Variants in NUDT21 observed in about 807,000 individuals in gnomAD.
NUDT21 encodes cleavage and polyadenylation specificity factor subunit 5.
A neutral mutation model predicts 29.8 loss-of-function variants in NUDT21; 5 were observed. The observed-to-expected ratio is 0.17, with a 90% CI of 0.09 to 0.35. The LOEUF (loss-of-function observed/expected upper bound fraction) is 0.35, where lower values mean the gene tolerates loss of function less well. NUDT21 is among the 10% of genes least tolerant of loss of function. The probability of loss-of-function intolerance (pLI) is 1.00; values close to 1 mark genes in which losing one functional copy is unlikely to be tolerated. For synonymous variants in NUDT21, 113 were observed against 98.5 expected (o/e 1.15, Z -0.87); for missense variants, 76 against 276.0 (o/e 0.28, Z 5.13).
rs533337414 is a variant in NUDT21, at chr16:56,436,868, G to A, written c.472-2039C>T. Among the ~76,000 whole-genome samples the A allele has an allele frequency of 5.3e-5, 8 of 152,196 alleles. No individual in the cohort carries two copies. The South Asian group carries it at 1.7e-3, about 32-fold the overall frequency. ...TTACCTTATGTCAAATACCACCAGGGCCAACTCTAGGCCTTACTGAATGAA... is the reference window on the plus strand; with the variant it reads ...TTACCTTATGTCAAATACCACCAGGACCAACTCTAGGCCTTACTGAATGAA... On this transcript the variant is annotated intron_variant, in intron 4 of 6. Coordinates refer to ENST00000300291, the MANE Select transcript of NUDT21 (RefSeq NM_007006.3).
At chr16:56,437,696 A>G (rs1400818796) in intron 4 of NUDT21, among the ~76,000 whole-genome samples, 1 of 152,084 alleles carries the variant, frequency 6.6e-6, no homozygotes, top group African/African-American at 2.4e-5. Context: ...AAAGATCAAT[A>G]ACATGCCCTG....
At position 56,443,146 on chromosome 16, in the gene NUDT21, G is replaced by A. The variant is rs1200232681; in HGVS notation, c.382-3400C>T. ...AACAAGATGCTTAATTGTCACCTCT[G>A]TGTGCATGAGTGATAGGACTACAAT... is the stretch of plus-strand genomic sequence containing the variant. On this transcript the variant is annotated intron_variant, in intron 3 of 6. Coordinates refer to ENST00000300291, the MANE Select transcript of NUDT21 (RefSeq NM_007006.3). Among the ~76,000 whole-genome samples the A allele has an allele frequency of 6.6e-5, 10 of 151,820 alleles. No individual in the cohort carries two copies. In the East Asian group the frequency reaches 1.7e-3, roughly 26 times the overall value.
chr16:56,448,715 T>C (rs1962246194), intron 1 of NUDT21, among the ~76,000 whole-genome samples: 1 of 152,218 alleles, frequency 6.6e-6, no homozygotes, highest in African/African-American at 2.4e-5. Flanking sequence ...TCTTGCCTAA[T>C]AAGGATCAAA....
rs769741675 is a variant in NUDT21 at position 56,434,320 on chromosome 16, A to G, written c.662+11T>C. 1 of 1,568,588 alleles carries G rather than the reference A, an allele frequency of 6.4e-7. No homozygotes were observed. The highest frequency in any genetic ancestry group is 8.8e-7 in the Non-Finnish European group (1 of 1,139,026). On this transcript the variant is annotated intron_variant, in intron 6 of 6. Transcript: ENST00000300291. ...ATATGGATGAACCAAAAAATGTTCA[A>G]CTTTCTGTACCTGCTCAACAGCTGA...
intron 3 of NUDT21, among the ~76,000 whole-genome samples, chr16:56,440,837 C>G (rs1022719116): frequency 1.3e-5 from 2 of 152,028 alleles, no homozygotes; most frequent in African/African-American, 2.4e-5. Flanking sequence ...CTCCCAGGTT[C>G]AAGTGATTCT....
At chr16:56,445,619 C>CA (rs1962210393) in intron 3 of NUDT21, among the ~76,000 whole-genome samples, 1 of 152,194 alleles carries the variant, frequency 6.6e-6, no homozygotes, top group Non-Finnish European at 1.5e-5. Flanking sequence ...TGCATGCCCC[C>CA]ACTTTCATAA....
chr16:56,434,579 GTCT>G, intron 5 of NUDT21, 134 bp from the exon 6 acceptor site: 1 of 767,774 alleles, frequency 1.3e-6, no homozygotes, highest in South Asian at 1.6e-5. Flanking sequence ...TTTTGGTTGT[GTCT>G]TTCAAGGTAG....
chr16:56,444,080 G>A (rs1210916785), intron 3 of NUDT21, among the ~76,000 whole-genome samples: 1 of 152,134 alleles, frequency 6.6e-6, no homozygotes, highest in Non-Finnish European at 1.5e-5. Flanking sequence ...AGGAGTTTGA[G>A]ACCAGCCTGG....
At chr16:56,433,253 T>G (rs1431236282) in intron 6 of NUDT21, among the ~76,000 whole-genome samples, 1 of 152,248 alleles carries the variant, frequency 6.6e-6, no homozygotes, top group Non-Finnish European at 1.5e-5. Flanking sequence ...TTATTAAGTA[T>G]GTACCAGATT....
intron 4 of NUDT21, among the ~76,000 whole-genome samples, chr16:56,436,339 CA>C (rs1423286991): frequency 6.6e-6 from 1 of 152,122 alleles, no homozygotes; most frequent in African/African-American, 2.4e-5. Flanking sequence ...GTATCTTTCC[CA>C]AGATTACTCA....
At chr16:56,442,164 G>A (rs1962166810) in intron 3 of NUDT21, among the ~76,000 whole-genome samples, 1 of 152,214 alleles carries the variant, frequency 6.6e-6, no homozygotes, top group Non-Finnish European at 1.5e-5. Flanking sequence ...TTGCAGGCAT[G>A]AGCCACCACA....
Position 56,451,119 on chromosome 16 carries a change from C to T in NUDT21, c.84G>A (p.Thr28=). The T allele has an allele frequency of 6.2e-7, 1 of 1,613,774 alleles. No individual in the cohort carries two copies. The highest frequency in any genetic ancestry group is 8.5e-7 in the Non-Finnish European group (1 of 1,179,870). ...TGGTGCGCTCCAGGGTGAGGGGCTT[C>T]GTCTGCTGGATGTACTTGTTGCCGA... ...TQFGNKYIQQ[T]KPLTLERTIN... is the part of the protein sequence containing the mutation. The change falls in exon 1 of 7, where the codon ACG becomes ACA. Residue 28 remains threonine (T), a synonymous_variant. Transcript: ENST00000300291.
intron 1 of NUDT21, 93 bp from the exon 2 acceptor site, chr16:56,448,082 G>C: frequency 9.3e-7 from 1 of 1,074,028 alleles, no homozygotes; most frequent in African/African-American, 1.6e-5. Flanking sequence ...TACAAAAAAA[G>C]TGCATATATT....
At chr16:56,439,482 T>A (rs1962138013) in intron 4 of NUDT21, 175 bp downstream of exon 4, 2 of 622,764 alleles carry the variant, frequency 3.2e-6, no homozygotes. Context: ...GGCCTTGTAT[T>A]TGTTTTACAT....
At chr16:56,432,830 A>G in intron 6 of NUDT21, 97 bp from the exon 7 acceptor site, 1 of 880,656 alleles carries the variant, frequency 1.1e-6, no homozygotes, top group Admixed American at 2.7e-5. Context: ...GCCCTCCCTT[A>G]GCATGTCTGG....
intron 2 of NUDT21, 94 bp downstream of exon 2, chr16:56,447,695 A>C: frequency 1.8e-6 from 2 of 1,102,732 alleles, no homozygotes; most frequent in Non-Finnish European, 2.7e-6. Context: ...TGTTTGTTGA[A>C]ATGAATGACC....
chr16:56,446,502 T>C, intron 3 of NUDT21, 124 bp downstream of exon 3: 1 of 582,894 alleles, frequency 1.7e-6, no homozygotes, highest in Non-Finnish European at 3.1e-6. Context: ...GTACTAACCT[T>C]CTGGAGTTTA....
intron 3 of NUDT21, among the ~76,000 whole-genome samples, chr16:56,443,376 A>C (rs1199682245): frequency 1.3e-5 from 2 of 152,094 alleles, no homozygotes; most frequent in Non-Finnish European, 2.9e-5. Flanking sequence ...GGGTTTCACC[A>C]TGCTGGTCAG....
intron 2 of NUDT21, 118 bp from the exon 3 acceptor site, chr16:56,446,807 T>C: frequency 1.7e-6 from 1 of 579,910 alleles, no homozygotes; most frequent in Non-Finnish European, 3.0e-6. Context: ...AATAAGGCAA[T>C]CAAAACAAGT....
Sources: gnomAD v4.1 joint callset for allele counts (sites outside exome capture counted in the v4.1 genomes callset) on GRCh38, gnomAD v4.1.1 for gene constraint, MANE v1.5 for transcripts, NCBI Gene and HGNC (gene_info 2026-07-23, HGNC 2026-07-21) for gene names.